PCCA: variants seen among roughly 807,000 people sequenced by gnomAD.
PCCA encodes the protein propionyl-CoA carboxylase subunit alpha.
A neutral mutation model predicts 101.3 loss-of-function variants in PCCA; 74 were observed. The ratio of observed to expected loss-of-function variants is 0.73; its 90% confidence interval spans 0.61 to 0.89. The LOEUF (loss-of-function observed/expected upper bound fraction) is 0.89. Ranked by LOEUF, PCCA falls within the 40% of genes least tolerant of loss-of-function variation. The pLI is 0.00. For missense variants in PCCA, 891 were observed against 907.0 expected (o/e 0.98, Z 0.23); for synonymous variants, 294 against 313.6 (o/e 0.94, Z 0.66).
At chr13:100,486,354 G>T (rs2084370749) in intron 21 of PCCA, among the ~76,000 whole-genome samples, 1 of 152,186 alleles carries the variant, frequency 6.6e-6, no homozygotes, top group African/African-American at 2.4e-5. Context: ...GAACTAACTG[G>T]ATAAGTTTCC....
chr13:100,207,745 C>T (rs2058950377), intron 6 of PCCA, among the ~76,000 whole-genome samples: 2 of 151,698 alleles, frequency 1.3e-5, no homozygotes, highest in South Asian at 2.1e-4. Flanking sequence ...TTTGGCCAGG[C>T]GTGGTGGCTC....
intron 21 of PCCA, chr13:100,490,327 TTCCTC>T (rs1380773766): frequency 1.3e-5 from 2 of 152,226 alleles, no homozygotes; most frequent in Non-Finnish European, 2.9e-5. Flanking sequence ...CTGTAAAATT[TTCCTC>T]ATGAAAATGG....
At chr13:100,156,060 C>T (rs2053851992) in intron 5 of PCCA, among the ~76,000 whole-genome samples, 2 of 152,050 alleles carry the variant, frequency 1.3e-5, no homozygotes, top group South Asian at 4.1e-4. Context: ...AAGCTTAGTT[C>T]AGCTTTTTTT....
chr13:100,347,013 A>G (rs2072346700), intron 18 of PCCA, among the ~76,000 whole-genome samples: 1 of 152,126 alleles, frequency 6.6e-6, no homozygotes, highest in Non-Finnish European at 1.5e-5. Flanking sequence ...AGCTGGGACT[A>G]CAGGCACATG....
intron 20 of PCCA, among the ~76,000 whole-genome samples, chr13:100,443,597 G>T (rs183829690): frequency 4.6e-5 from 7 of 151,790 alleles, no homozygotes; most frequent in African/African-American, 7.3e-5. Context: ...AGTTTTTGTC[G>T]TATGAAGCTG....
chr13:100,326,877 T>C (rs1377906546), intron 16 of PCCA, among the ~76,000 whole-genome samples: 1 of 152,098 alleles, frequency 6.6e-6, no homozygotes, highest in Non-Finnish European at 1.5e-5. Flanking sequence ...TCAGCAAGGG[T>C]TTCAGTCAAC....
In PCCA at chr13:100,432,324, A is replaced by G. The variant is rs576200025; in HGVS notation, c.1845+6593A>G. ...TCAATTAATTGTAAATAAAAAGATG[A>G]TTTTTCGCTTAATACGATCCTCAGT... On this transcript the variant is annotated intron_variant, in intron 20 of 23. Coordinates refer to ENST00000376285, the MANE Select transcript of PCCA (RefSeq NM_000282.4). Among the ~76,000 whole-genome samples, 55 of 152,182 alleles carry G rather than the reference A, an allele frequency of 3.6e-4. No homozygotes were observed. In the Middle Eastern group the frequency reaches 0.01, roughly 28 times the overall value.
rs1409360083 is a variant in PCCA at position 100,090,209 on chromosome 13, A to T, written c.105+984A>T. On this transcript the variant is annotated intron_variant, in intron 1 of 23. Coordinates refer to ENST00000376285, the MANE Select transcript of PCCA (RefSeq NM_000282.4). ...ACCTGCCCCATCCTACTCTTTAAAG[A>T]GGAGGGAACCGAGCCCCAGGTGGGC... Among the ~76,000 whole-genome samples the T allele has an allele frequency of 4.6e-5, 7 of 152,242 alleles. No individual in the cohort carries two copies. The East Asian group carries it at 1.3e-3, about 29-fold the overall frequency.
chr13:100,216,614 C>T (rs1046266638), intron 7 of PCCA, among the ~76,000 whole-genome samples: 3 of 152,192 alleles, frequency 2.0e-5, no homozygotes, highest in African/African-American at 7.2e-5. Flanking sequence ...TACATATACT[C>T]ATTTTATATA....
intron 16 of PCCA, among the ~76,000 whole-genome samples, chr13:100,311,660 C>T (rs990858847): frequency 2.0e-5 from 3 of 152,098 alleles, no homozygotes; most frequent in African/African-American, 7.2e-5. Flanking sequence ...GTCCCAGCTA[C>T]TCAGGAGGCT....
chr13:100,147,927 C>T (rs1189415842), intron 4 of PCCA, among the ~76,000 whole-genome samples: 3 of 151,796 alleles, frequency 2.0e-5, no homozygotes, highest in Non-Finnish European at 2.9e-5. Context: ...CTATTTTGCT[C>T]ATTTTATTTC....
At position 100,154,823 on chromosome 13, in the gene PCCA, T is replaced by C. The variant is rs1450394524; in HGVS notation, c.301-156T>C. 3.9e-5 allele frequency among the ~76,000 whole-genome samples: 6 copies of C among 152,214 alleles called. No individual in the cohort carries two copies. The East Asian group carries it at 1.2e-3, about 29-fold the overall frequency. On this transcript the variant is annotated intron_variant, in intron 4 of 23. Transcript: ENST00000376285. ...TGGTTAATAGAGTTCCTGAGTTTAT[T>C]TGTTGCATTGTTGCTTTTTAGTGCA...
At chr13:100,521,381 C>T (rs924605602) in intron 22 of PCCA, among the ~76,000 whole-genome samples, 11 of 152,294 alleles carry the variant, frequency 7.2e-5, no homozygotes, top group African/African-American at 2.6e-4. Context: ...AGAGTGAGGC[C>T]GCTCGTGCAT....
chr13:100,121,809 A>G (rs2049430911), intron 4 of PCCA, among the ~76,000 whole-genome samples: 1 of 152,162 alleles, frequency 6.6e-6, no homozygotes, highest in Non-Finnish European at 1.5e-5. Context: ...ATGTGTGAAT[A>G]GAGATAGTTT....
chr13:100,307,549 A>G (rs1038613923), intron 15 of PCCA, among the ~76,000 whole-genome samples: 1 of 152,220 alleles, frequency 6.6e-6, no homozygotes, highest in African/African-American at 2.4e-5. Flanking sequence ...ACTCATTGCC[A>G]TGAGAAGGAA....
At chr13:100,191,071 CAG>C (rs545438194) in intron 6 of PCCA, among the ~76,000 whole-genome samples, 4 of 152,238 alleles carry the variant, frequency 2.6e-5, no homozygotes, top group African/African-American at 9.6e-5. Flanking sequence ...GCCTGGGCAA[CAG>C]AGAGAGAGAT....
intron 10 of PCCA, among the ~76,000 whole-genome samples, chr13:100,265,437 T>C (rs1449929253): frequency 6.6e-6 from 1 of 152,220 alleles, no homozygotes; most frequent in East Asian, 1.9e-4. Flanking sequence ...ATAATAAATC[T>C]AGAAACCTGA....
chr13:100,336,773 C>T (rs2070525979), intron 17 of PCCA, among the ~76,000 whole-genome samples: 1 of 152,168 alleles, frequency 6.6e-6, no homozygotes, highest in South Asian at 2.1e-4. Context: ...GCCCACTGTG[C>T]CCAGCCTCGT....
At chr13:100,249,575 A>T (rs1028665782) in intron 8 of PCCA, among the ~76,000 whole-genome samples, 10 of 152,118 alleles carry the variant, frequency 6.6e-5, no homozygotes, top group South Asian at 6.2e-4. Context: ...TTTCCTTTCC[A>T]TATAAACTTT....
Sources: allele counts gnomAD v4.1 joint callset (sites outside exome capture counted in the v4.1 genomes callset), GRCh38; gene constraint gnomAD v4.1.1; transcripts MANE v1.5; gene names NCBI Gene and HGNC (gene_info 2026-07-23, HGNC 2026-07-21).